The following SHROOM2 variants were observed in gnomAD, a reference collection of about 807,000 sequenced individuals.
The protein encoded by SHROOM2 is shroom family member 2.
In SHROOM2, 33 loss-of-function variants were observed where a neutral mutation model predicts 75.9. That is an observed-to-expected ratio of 0.43 (90% CI 0.33 to 0.58). SHROOM2 has a LOEUF of 0.58. Among genes scored for constraint, SHROOM2 ranks in the 20% least tolerant of loss-of-function variants. SHROOM2 has a pLI of 0.04. For missense variants in SHROOM2, 1,434 were observed against 1,461.2 expected (o/e 0.98, Z 0.30); for synonymous variants, 655 against 663.6 (o/e 0.99, Z 0.20).
chrX:9,792,248 G>A (rs2083669827), intron 1 of SHROOM2, among the ~76,000 whole-genome samples: 1 of 110,922 alleles, frequency 9.0e-6, no homozygotes. Flanking sequence ...CTGTCCTGTA[G>A]TAGAGCCAGC....
chrX:9,936,587 C>T (rs1261829474), intron 6 of SHROOM2, among the ~76,000 whole-genome samples: 1 of 111,380 alleles, frequency 9.0e-6, no homozygotes, highest in Non-Finnish European at 1.9e-5. Context: ...CTGCATATGG[C>T]ACAGGAGGTT....
chrX:9,888,346 G>A (rs1241304304), intron 2 of SHROOM2, among the ~76,000 whole-genome samples: 5 of 112,357 alleles, frequency 4.5e-5, no homozygotes, highest in African/African-American at 1.6e-4. Flanking sequence ...AGCTGGGGCT[G>A]CCTGGTGTCG....
chrX:9,944,054 C>T (rs1373900623), intron 8 of SHROOM2, among the ~76,000 whole-genome samples: 1 of 110,612 alleles, frequency 9.0e-6, no homozygotes, highest in Non-Finnish European at 1.9e-5. Flanking sequence ...TGGTGGTGCA[C>T]GCCTGTAATC....
chrX:9,801,014 A>G (rs935789681), intron 1 of SHROOM2, among the ~76,000 whole-genome samples: 9 of 111,292 alleles, frequency 8.1e-5, no homozygotes, highest in Non-Finnish European at 1.7e-4. Context: ...GCTGCCAGAC[A>G]TACCCGAGAC....
At chrX:9,820,461 C>A in intron 1 of SHROOM2, among the ~76,000 whole-genome samples, 1 of 110,983 alleles carries the variant, frequency 9.0e-6, no homozygotes, top group South Asian at 3.8e-4. Flanking sequence ...AATTCCCGGG[C>A]TTAAGCAATC....
At chrX:9,807,497 G>A in intron 1 of SHROOM2, among the ~76,000 whole-genome samples, 1 of 111,485 alleles carries the variant, frequency 9.0e-6, no homozygotes, top group Non-Finnish European at 1.9e-5. Flanking sequence ...AGGCCTTGGC[G>A]TATTGCAAAG....
rs142716542 is a variant in SHROOM2 at position 9,803,259 on chromosome X, C to T, written c.165+16549C>T. ...CTGGTAGCATCCCAGCTCTTTCTCC[C>T]TCTTTACCTCCTTGCTAAACAAGAC... On this transcript the variant is annotated intron_variant, in intron 1 of 9. Coordinates refer to ENST00000380913, the MANE Select transcript of SHROOM2 (RefSeq NM_001649.4). 6.5e-3 allele frequency among the ~76,000 whole-genome samples: 719 copies of T among 110,789 alleles called. 6 individuals are homozygous for T. The highest frequency in any genetic ancestry group is 0.023 in the African/African-American group (696 of 30,465).
intron 8 of SHROOM2, among the ~76,000 whole-genome samples, 185 bp downstream of exon 8, chrX:9,939,551 C>T (rs4830676): frequency 0.18 from 20,274 of 111,588 alleles, 1,453 homozygotes; most frequent in African/African-American, 0.24. Flanking sequence ...AGTTCTATGT[C>T]CTAATCTTGA....
chrX:9,911,964 G>T (rs1425575609), intron 5 of SHROOM2, among the ~76,000 whole-genome samples: 1 of 109,815 alleles, frequency 9.1e-6, no homozygotes, highest in Non-Finnish European at 1.9e-5. Flanking sequence ...GAAGTGCTGG[G>T]CACAGTGGCT....
chrX:9,908,268 A>G (rs181311470), intron 5 of SHROOM2, among the ~76,000 whole-genome samples: 2 of 112,050 alleles, frequency 1.8e-5, no homozygotes, highest in East Asian at 5.6e-4. Context: ...CTTGGACCAC[A>G]TGGGCTGGGC....
intron 1 of SHROOM2, among the ~76,000 whole-genome samples, chrX:9,822,312 A>G (rs1266905203): frequency 9.2e-6 from 1 of 109,259 alleles, no homozygotes; most frequent in Non-Finnish European, 1.9e-5. Context: ...AGGGGGGAGG[A>G]GGCTGCAGTG....
chrX:9,901,145 C>T (rs73195964), intron 5 of SHROOM2, among the ~76,000 whole-genome samples: 4,691 of 111,057 alleles, frequency 0.042, 102 homozygotes, highest in Non-Finnish European at 0.062. Flanking sequence ...CCTGTGTCCT[C>T]ACAAGGTCGT....
At chrX:9,821,298 C>T (rs1423273441) in intron 1 of SHROOM2, among the ~76,000 whole-genome samples, 2 of 112,043 alleles carry the variant, frequency 1.8e-5, no homozygotes, top group African/African-American at 6.5e-5. Context: ...ACAACTGGCT[C>T]AGATGGTTTT....
At chrX:9,843,122 T>C (rs2083988033) in intron 1 of SHROOM2, among the ~76,000 whole-genome samples, 1 of 110,784 alleles carries the variant, frequency 9.0e-6, no homozygotes, top group Non-Finnish European at 1.9e-5. Context: ...TTTAGAGGAG[T>C]TTTAGCTCTA....
chrX:9,806,948 T>C (rs1245754528), intron 1 of SHROOM2, among the ~76,000 whole-genome samples: 4 of 112,051 alleles, frequency 3.6e-5, no homozygotes, highest in African/African-American at 6.5e-5. Context: ...GTTCTCCAAC[T>C]CCTGGGCTCA....
Position 9,924,423 on chromosome X carries a change from A to G in SHROOM2, c.2892-7752A>G, listed in dbSNP as rs192573342. Among the ~76,000 whole-genome samples, 127 of 112,073 alleles carry G rather than the reference A, an allele frequency of 1.1e-3. 2 individuals are homozygous for G. In the East Asian group the frequency reaches 0.027, roughly 24 times the overall value. On this transcript the variant is annotated intron_variant, in intron 5 of 9. Transcript: ENST00000380913. ...CAGGCTAGAGTGCAGTGGCATGATC[A>G]TCGCTCACTGCAGCCTCCAACTCCT...
chrX:9,920,291 A>C (rs899860870), intron 5 of SHROOM2, among the ~76,000 whole-genome samples: 1 of 112,440 alleles, frequency 8.9e-6, no homozygotes, highest in Non-Finnish European at 1.9e-5. Context: ...TGATACCCCG[A>C]TAGAGTTGTG....
intron 1 of SHROOM2, among the ~76,000 whole-genome samples, chrX:9,860,666 C>T (rs772402654): frequency 3.1e-4 from 35 of 111,845 alleles, no homozygotes; most frequent in African/African-American, 1.1e-3. Context: ...TCAAGTGATC[C>T]GCCCACCTTG....
chrX:9,893,146 A>T (rs1014123730), intron 3 of SHROOM2, among the ~76,000 whole-genome samples: 2 of 111,428 alleles, frequency 1.8e-5, no homozygotes, highest in Non-Finnish European at 3.8e-5. Context: ...TCCATTGCCC[A>T]GGCTGGAGTG....
Sources: allele counts gnomAD v4.1 joint callset (sites outside exome capture counted in the v4.1 genomes callset), GRCh38; gene constraint gnomAD v4.1.1; transcripts MANE v1.5; gene names NCBI Gene and HGNC (gene_info 2026-07-23, HGNC 2026-07-21).